TENM3: variants seen among roughly 807,000 people sequenced by gnomAD.
The protein encoded by TENM3 is teneurin-3.
A neutral mutation model predicts 255.1 loss-of-function variants in TENM3; 63 were observed. The observed-to-expected ratio is 0.25, with a 90% CI of 0.20 to 0.30. TENM3 has a LOEUF of 0.30. Ranked by LOEUF, TENM3 falls within the 10% of genes least tolerant of loss-of-function variation. The probability of loss-of-function intolerance (pLI) is 1.00; values close to 1 mark genes in which losing one functional copy is unlikely to be tolerated. For synonymous variants in TENM3, 1,306 were observed against 1,322.3 expected (o/e 0.99, Z 0.27); for missense variants, 2,929 against 3,461.1 (o/e 0.85, Z 3.86).
chr4:181,473,669 A>C, the TENM3 span, among the ~76,000 whole-genome samples: 1 of 149,874 alleles, frequency 6.7e-6, no homozygotes, highest in Non-Finnish European at 1.5e-5. Flanking sequence ...GCAAAGACTG[A>C]CTAAAGAGAC....
At chr4:182,014,171 CAT>C in the TENM3 span, among the ~76,000 whole-genome samples, 245 of 145,364 alleles carry the variant, frequency 1.7e-3, no homozygotes, top group Middle Eastern at 3.6e-3. Context: ...CATATATATA[CAT>C]ATATATATGT....
chr4:182,252,787 G>T (rs1386782935), intron 1 of TENM3, among the ~76,000 whole-genome samples: 1 of 145,784 alleles, frequency 6.9e-6, no homozygotes, highest in Non-Finnish European at 1.5e-5. Flanking sequence ...TGTCCGTTAA[G>T]TGCCAGGAGC....
At chr4:182,135,175 C>T in the TENM3 span, among the ~76,000 whole-genome samples, 1 of 138,222 alleles carries the variant, frequency 7.2e-6, no homozygotes, top group Non-Finnish European at 1.5e-5. Flanking sequence ...CACTGCGCTC[C>T]AGCCTGGTAG....
the TENM3 span, among the ~76,000 whole-genome samples, chr4:181,816,498 T>G: frequency 6.6e-6 from 1 of 151,994 alleles, no homozygotes; most frequent in African/African-American, 2.4e-5. Flanking sequence ...GTCAGGTTAT[T>G]ATAAGGATCA....
the TENM3 span, among the ~76,000 whole-genome samples, chr4:181,667,470 T>C: frequency 6.6e-6 from 1 of 152,176 alleles, no homozygotes; most frequent in Non-Finnish European, 1.5e-5. Flanking sequence ...AATGCAACCA[T>C]GTAAGAGGTG....
rs865956628 is a variant in TENM3 at position 182,774,959 on chromosome 4, C to T, written c.5110C>T (p.Leu1704Phe). The change falls in exon 24 of 28, where the codon CTC becomes TTC. Residue 1704 changes from leucine (L) to phenylalanine (F), a missense_variant. By Grantham distance (22) the Leu-to-Phe change is conservative. Transcript: ENST00000511685. ...NSYQIGYDGS[L>F]RIIYASGLDS... Reference sequence around the variant, plus strand: ...CTACCAGATTGGTTATGACGGCTCCCTCAGAATTATCTACGCCAGTGGCCT... The same window carrying T: ...CTACCAGATTGGTTATGACGGCTCCTTCAGAATTATCTACGCCAGTGGCCT... 2.5e-6 allele frequency: 4 copies of T among 1,613,728 alleles called. No individual in the cohort carries two copies. The highest frequency in any genetic ancestry group is 2.7e-5 in the African/African-American group (2 of 74,924).
the TENM3 span, among the ~76,000 whole-genome samples, chr4:181,740,180 G>A: frequency 6.6e-6 from 1 of 152,028 alleles, no homozygotes; most frequent in African/African-American, 2.4e-5. Flanking sequence ...GATCTAGGTG[G>A]TTTAGTAGCC....
chr4:181,643,819 T>G, the TENM3 span, among the ~76,000 whole-genome samples: 4 of 152,028 alleles, frequency 2.6e-5, no homozygotes, highest in Non-Finnish European at 1.5e-5. Flanking sequence ...GCTCACACCT[T>G]TAATCCCAGC....
At chr4:181,502,171 T>G in the TENM3 span, among the ~76,000 whole-genome samples, 4 of 152,200 alleles carry the variant, frequency 2.6e-5, no homozygotes. Flanking sequence ...CTCTTCTATG[T>G]GATACTATAA....
At chr4:181,681,576 C>T in the TENM3 span, among the ~76,000 whole-genome samples, 40 of 152,200 alleles carry the variant, frequency 2.6e-4, no homozygotes, top group South Asian at 1.9e-3. Flanking sequence ...TTAGCTAATG[C>T]TTACTCTGTC....
At position 182,650,422 on chromosome 4, in the gene TENM3, C is replaced by T. The variant is rs796720820; in HGVS notation, c.989-3349C>T. Reference sequence around the variant, plus strand: ...TTTTCCATGAGTTCAGTTCTGCTTTCCAACTCAGGCATTGAAGAACTGGAC... The same window carrying T: ...TTTTCCATGAGTTCAGTTCTGCTTTTCAACTCAGGCATTGAAGAACTGGAC... On this transcript the variant is annotated intron_variant, in intron 5 of 27. Transcript: ENST00000511685. 2.0e-5 allele frequency among the ~76,000 whole-genome samples: 3 copies of T among 150,562 alleles called. 1 individual carries two copies. The highest frequency in any genetic ancestry group is 4.0e-4 in the East Asian group (2 of 4,940).
chr4:181,511,154 C>T, the TENM3 span, among the ~76,000 whole-genome samples: 10 of 152,302 alleles, frequency 6.6e-5, 1 homozygote, highest in South Asian at 2.1e-3. Flanking sequence ...GAGAAAGCTA[C>T]TCTGTTTAGG....
the TENM3 span, among the ~76,000 whole-genome samples, chr4:181,463,324 A>G: frequency 2.0e-5 from 3 of 152,158 alleles, no homozygotes; most frequent in Non-Finnish European, 4.4e-5. Context: ...TACCCTGGTC[A>G]TGTGTCCTAT....
chr4:181,601,630 G>T, the TENM3 span, among the ~76,000 whole-genome samples: 1 of 152,056 alleles, frequency 6.6e-6, no homozygotes, highest in African/African-American at 2.4e-5. Context: ...ATATATTTCT[G>T]CTCAGCAATT....
intron 3 of TENM3, among the ~76,000 whole-genome samples, chr4:182,463,625 AT>A (rs35176681): frequency 0.24 from 34,598 of 144,238 alleles, 3,999 homozygotes; most frequent in Non-Finnish European, 0.28. Flanking sequence ...CGCCTGGCTA[AT>A]TTTTTTTTTT....
At chr4:182,183,782 G>A (rs1157278116) in intron 1 of TENM3, among the ~76,000 whole-genome samples, 2 of 152,030 alleles carry the variant, frequency 1.3e-5, no homozygotes, top group African/African-American at 4.8e-5. Context: ...AATACCACAC[G>A]TACTTATTTT....
At chr4:182,670,959 A>G (rs1189373798) in intron 6 of TENM3, among the ~76,000 whole-genome samples, 1 of 152,208 alleles carries the variant, frequency 6.6e-6, no homozygotes, top group Non-Finnish European at 1.5e-5. Context: ...ATACATCTTC[A>G]GGGAAAAGGG....
intron 1 of TENM3, among the ~76,000 whole-genome samples, chr4:182,311,829 C>G (rs1378766345): frequency 6.6e-6 from 1 of 152,216 alleles, no homozygotes; most frequent in Non-Finnish European, 1.5e-5. Context: ...CAGTGGCACA[C>G]AGACTTCCCA....
chr4:181,682,028 T>A, the TENM3 span, among the ~76,000 whole-genome samples: 1 of 152,198 alleles, frequency 6.6e-6, no homozygotes, highest in Non-Finnish European at 1.5e-5. Context: ...GAGCTGAATT[T>A]AGAAAAAAAT....
Sources: gnomAD v4.1 joint callset for allele counts (sites outside exome capture counted in the v4.1 genomes callset) on GRCh38, gnomAD v4.1.1 for gene constraint, MANE v1.5 for transcripts, NCBI Gene and HGNC (gene_info 2026-07-23, HGNC 2026-07-21) for gene names.